Variants in CHRNA7 observed in about 807,000 individuals in gnomAD.
CHRNA7 encodes the protein neuronal acetylcholine receptor subunit alpha-7.
Under a neutral mutation model 48.0 loss-of-function variants are expected in CHRNA7, and 17 were observed. That is an observed-to-expected ratio of 0.35 (90% CI 0.24 to 0.53). CHRNA7 has a LOEUF of 0.53. Ranked by LOEUF, CHRNA7 falls within the 20% of genes least tolerant of loss-of-function variation. The probability of loss-of-function intolerance (pLI) is 0.92; values close to 1 mark genes in which losing one functional copy is unlikely to be tolerated. For synonymous variants in CHRNA7, 75 were observed against 242.3 expected, an observed-to-expected ratio of 0.31 and a Z score of 6.41; for missense variants, 155 against 577.7, an observed-to-expected ratio of 0.27 and a Z score of 7.50.
At chr15:32,151,057 A>T (rs1375296759) in intron 4 of CHRNA7, among the ~76,000 whole-genome samples, 6 of 150,784 alleles carry the variant, frequency 4.0e-5, no homozygotes, top group Non-Finnish European at 8.8e-5. Context: ...CCTTCCCTTA[A>T]ACTTCATCAC....
chr15:32,129,202 G>A (rs1465903830), intron 4 of CHRNA7, among the ~76,000 whole-genome samples: 1 of 151,720 alleles, frequency 6.6e-6, no homozygotes, highest in Non-Finnish European at 1.5e-5. Context: ...AGAGAATGTG[G>A]TCTGTAGTTT....
At position 32,130,972 on chromosome 15, in the gene CHRNA7, C is replaced by CG. The variant is rs151237806; in HGVS notation, c.350+19075dup. Among the ~76,000 whole-genome samples the CG allele has an allele frequency of 2.6e-3, 399 of 152,008 alleles. 5 individuals carry two copies. The highest frequency in any genetic ancestry group is 9.2e-3 in the African/African-American group (381 of 41,466). Reference sequence around the variant, plus strand: ...GTGTACAGTAAGTTATTTCAGCATTCGGAAACTGTCATACCACCTCCTGCT... The same window carrying CG: ...GTGTACAGTAAGTTATTTCAGCATTCGGGAAACTGTCATACCACCTCCTGCT... On this transcript the variant is annotated intron_variant, in intron 4 of 9. Coordinates refer to ENST00000306901, the MANE Select transcript of CHRNA7 (RefSeq NM_000746.6).
chr15:32,056,088 A>G (rs1279398388), intron 2 of CHRNA7, among the ~76,000 whole-genome samples: 1 of 152,110 alleles, frequency 6.6e-6, no homozygotes. Context: ...CTCCTTTTGT[A>G]AACTTTCAAT....
chr15:32,117,706 G>C (rs938404616), intron 4 of CHRNA7, among the ~76,000 whole-genome samples: 1 of 152,140 alleles, frequency 6.6e-6, no homozygotes, highest in Admixed American at 6.5e-5. Flanking sequence ...CGTGGGCTGC[G>C]ATGTATCTAT....
chr15:32,113,298 C>T (rs536988407), intron 4 of CHRNA7, among the ~76,000 whole-genome samples: 60 of 152,250 alleles, frequency 3.9e-4, no homozygotes, highest in Admixed American at 3.7e-3. Context: ...GTAAGCACTG[C>T]AGTCAAATTA....
chr15:32,124,999 A>G (rs185298281), intron 4 of CHRNA7, among the ~76,000 whole-genome samples: 17 of 152,348 alleles, frequency 1.1e-4, no homozygotes, highest in Admixed American at 1.1e-3. Flanking sequence ...AAATGCCAGA[A>G]CTGACTAAGA....
intron 2 of CHRNA7, among the ~76,000 whole-genome samples, chr15:32,036,275 T>C (rs1356461002): frequency 6.6e-6 from 1 of 152,206 alleles, no homozygotes; most frequent in Non-Finnish European, 1.5e-5. Context: ...CACTCCTTTT[T>C]AGCACTGAAT....
chr15:32,035,826 A>G (rs978714632), intron 2 of CHRNA7, among the ~76,000 whole-genome samples: 1 of 152,190 alleles, frequency 6.6e-6, no homozygotes, highest in Non-Finnish European at 1.5e-5. Context: ...CAGCAAAATG[A>G]AGAAGAAGGT....
chr15:32,163,330 A>C lies in CHRNA7; in HGVS notation c.985A>C (p.Lys329Gln). ...CGACCCCGACGGGGGCAAGATGCCC[A>C]AGTGGGTACGTTCCTCCCACCCCCG... ...HHDPDGGKMP[K>Q]WTRVILLNWC... Residue 329 changes from lysine (K) to glutamine (Q), a missense_variant, in exon 9 of 10, where the codon AAG becomes CAG. By Grantham distance (53) the Lys-to-Gln change is moderately conservative. Transcript: ENST00000306901. 1.3e-6 allele frequency: 1 copy of C among 769,364 alleles called. No homozygotes were observed. The highest frequency in any genetic ancestry group is 2.6e-5 in the South Asian group (1 of 38,160). 47.7% of individuals were successfully genotyped at this position (769,364 alleles called of 1,614,324 possible). A position where few individuals can be genotyped will look rare whatever the true frequency, so the allele number is the denominator to read the frequency against.
chr15:32,108,308 G>A (rs151312765), intron 3 of CHRNA7, among the ~76,000 whole-genome samples: 1 of 152,090 alleles, frequency 6.6e-6, no homozygotes, highest in Non-Finnish European at 1.5e-5. Context: ...TAATGAGAAG[G>A]AATCTCACAA....
At chr15:32,119,479 G>A (rs144446902) in intron 4 of CHRNA7, among the ~76,000 whole-genome samples, 3 of 152,164 alleles carry the variant, frequency 2.0e-5, no homozygotes, top group Non-Finnish European at 4.4e-5. Context: ...AGAATTGGTG[G>A]ATGGGGAAGC....
At chr15:32,122,591 A>G (rs1486486430) in intron 4 of CHRNA7, among the ~76,000 whole-genome samples, 1 of 152,020 alleles carries the variant, frequency 6.6e-6, no homozygotes, top group Non-Finnish European at 1.5e-5. Context: ...ATTCTACTAA[A>G]TAGTTTGTTT....
chr15:32,121,565 G>A (rs28688416), intron 4 of CHRNA7, among the ~76,000 whole-genome samples: 16,721 of 152,186 alleles, frequency 0.11, 954 homozygotes, highest in Middle Eastern at 0.15. Flanking sequence ...AGAAGATGAC[G>A]TATGTCAGGG....
At chr15:32,110,589 G>A (rs547205255) in intron 3 of CHRNA7, among the ~76,000 whole-genome samples, 30 of 152,280 alleles carry the variant, frequency 2.0e-4, no homozygotes, top group African/African-American at 7.2e-4. Context: ...GGTTGGTCTG[G>A]GACATGCCCT....
intron 4 of CHRNA7, among the ~76,000 whole-genome samples, chr15:32,150,686 A>T (rs1340817035): frequency 6.6e-6 from 1 of 152,162 alleles, no homozygotes. Flanking sequence ...AATTCAAAGG[A>T]ACTAAAATAT....
At position 32,149,361 on chromosome 15, in the gene CHRNA7, C is replaced by T. The variant is rs565057042; in HGVS notation, c.351-4546C>T. Among the ~76,000 whole-genome samples, 8 of 152,174 alleles carry T rather than the reference C, an allele frequency of 5.3e-5. No individual in the cohort carries two copies. Among genetic ancestry groups the T allele is most frequent in the Non-Finnish European group, 5.9e-5 (4 of 68,046 alleles). On this transcript the variant is annotated intron_variant, in intron 4 of 9. Transcript: ENST00000306901. The surrounding 1 kb of genome is among the most constrained non-coding windows in gnomAD (Gnocchi z 4.6). Reference sequence around the variant, plus strand: ...TCACTGTTGGCTGGCATCTGTCGGGCATCCCCGGGGAAGCTGCGCCGGTGC... The same window carrying T: ...TCACTGTTGGCTGGCATCTGTCGGGTATCCCCGGGGAAGCTGCGCCGGTGC...
At chr15:32,128,702 G>A (rs1241357804) in intron 4 of CHRNA7, among the ~76,000 whole-genome samples, 1 of 151,468 alleles carries the variant, frequency 6.6e-6, no homozygotes, top group Non-Finnish European at 1.5e-5. Flanking sequence ...AGACCATCAT[G>A]TCACCTGAAA....
rs2050867375 is a variant in CHRNA7 at position 32,116,173 on chromosome 15, C to T, written c.350+4274C>T. On this transcript the variant is annotated intron_variant, in intron 4 of 9. Transcript: ENST00000306901. ...GGGGTTAAATGCATCCTGTGTAAGC[C>T]CCAGTTTTGAAAGCAGTGTTGATGT... 2.0e-5 allele frequency among the ~76,000 whole-genome samples: 3 copies of T among 152,120 alleles called. No homozygotes were observed. In the South Asian group the frequency reaches 6.2e-4, roughly 32 times the overall value.
At chr15:32,064,886 G>A (rs758604413) in intron 2 of CHRNA7, among the ~76,000 whole-genome samples, 1 of 152,098 alleles carries the variant, frequency 6.6e-6, no homozygotes. Context: ...GCCAAGAGAG[G>A]CAGTTGCCAC....
Sources: gnomAD v4.1 joint callset for allele counts (sites outside exome capture counted in the v4.1 genomes callset) on GRCh38, gnomAD v4.1.1 for gene constraint, Gnocchi (gnomAD v3.1) non-coding constraint, MANE v1.5 for transcripts, NCBI Gene and HGNC (gene_info 2026-07-23, HGNC 2026-07-21) for gene names.